The following AUTS2 variants were observed in gnomAD, a reference collection of about 807,000 sequenced individuals.
AUTS2 encodes activator of transcription and developmental regulator AUTS2.
In AUTS2, 17 loss-of-function variants were observed where a neutral mutation model predicts 112.4. The observed-to-expected ratio is 0.15, with a 90% CI of 0.10 to 0.23. AUTS2 has a LOEUF of 0.23. AUTS2 is among the 10% of genes least tolerant of loss of function. The probability of loss-of-function intolerance (pLI) is 1.00; values close to 1 mark genes in which losing one functional copy is unlikely to be tolerated. For synonymous variants in AUTS2, 751 were observed against 702.7 expected (o/e 1.07, Z -1.09); for missense variants, 1,510 against 1,701.6 (o/e 0.89, Z 1.98).
intron 6 of AUTS2, among the ~76,000 whole-genome samples, chr7:70,753,016 A>G (rs1259796257): frequency 6.6e-6 from 1 of 152,206 alleles, no homozygotes; most frequent in African/African-American, 2.4e-5. Context: ...GAATGTGGGC[A>G]TGTGCATCAG....
At chr7:69,927,679 G>T (rs1796076031) in intron 2 of AUTS2, among the ~76,000 whole-genome samples, 1 of 152,202 alleles carries the variant, frequency 6.6e-6, no homozygotes, top group Non-Finnish European at 1.5e-5. Context: ...GTGAGCGCAG[G>T]GTCTGGCCAC....
intron 6 of AUTS2, among the ~76,000 whole-genome samples, chr7:70,734,313 G>C (rs1267686953): frequency 6.6e-6 from 1 of 152,050 alleles, no homozygotes; most frequent in Non-Finnish European, 1.5e-5. Flanking sequence ...GGTGGCCGGT[G>C]CCTGTAGTCC....
intron 4 of AUTS2, among the ~76,000 whole-genome samples, chr7:70,432,974 T>C (rs1355488774): frequency 6.6e-6 from 1 of 152,156 alleles, no homozygotes; most frequent in Non-Finnish European, 1.5e-5. Flanking sequence ...CCCGGCATGT[T>C]GTGTGGGGAG....
chr7:70,545,339 C>G (rs1333817518), intron 5 of AUTS2, among the ~76,000 whole-genome samples: 1 of 152,216 alleles, frequency 6.6e-6, no homozygotes, highest in African/African-American at 2.4e-5. Flanking sequence ...ACAGAGGACC[C>G]TTTAGGGTTC....
chr7:70,274,451 T>C (rs761864883), intron 4 of AUTS2, among the ~76,000 whole-genome samples: 3 of 152,024 alleles, frequency 2.0e-5, no homozygotes, highest in Non-Finnish European at 4.4e-5. Flanking sequence ...TGCACCACCA[T>C]GCCCAGCTAA....
intron 4 of AUTS2, among the ~76,000 whole-genome samples, chr7:70,245,329 TTTAAC>T: frequency 6.6e-6 from 1 of 151,970 alleles, no homozygotes; most frequent in East Asian, 1.9e-4. Context: ...CCTAATAGTT[TTTAAC>T]TTACAATTAA....
At chr7:70,780,758 GT>G (rs1791017742) in intron 14 of AUTS2, among the ~76,000 whole-genome samples, 1 of 152,006 alleles carries the variant, frequency 6.6e-6, no homozygotes, top group Non-Finnish European at 1.5e-5. Flanking sequence ...CTCCTACTTT[GT>G]TTTTCTTTGT....
At chr7:70,378,741 G>T (rs1793232805) in intron 4 of AUTS2, among the ~76,000 whole-genome samples, 1 of 152,164 alleles carries the variant, frequency 6.6e-6, no homozygotes. Context: ...ATTTTCCATT[G>T]CATGATGTCA....
intron 4 of AUTS2, among the ~76,000 whole-genome samples, chr7:70,285,823 C>T (rs1359135158): frequency 6.6e-6 from 1 of 152,166 alleles, no homozygotes; most frequent in African/African-American, 2.4e-5. Context: ...GAGTAAGATG[C>T]TGGAATATGT....
At chr7:70,106,674 C>A (rs533658799) in intron 2 of AUTS2, among the ~76,000 whole-genome samples, 10 of 152,066 alleles carry the variant, frequency 6.6e-5, no homozygotes, top group Non-Finnish European at 4.4e-5. Context: ...GGGGTGTGAT[C>A]GTACCACTGC....
At chr7:70,461,933 G>C (rs1005437567) in intron 5 of AUTS2, among the ~76,000 whole-genome samples, 13 of 152,166 alleles carry the variant, frequency 8.5e-5, no homozygotes, top group African/African-American at 2.9e-4. Flanking sequence ...GTTGATTTGA[G>C]AAAGTGTTTT....
Position 70,790,309 on chromosome 7 carries a change from T to G in AUTS2, c.3093T>G (p.Ile1031Met). ...CCATGACGGTGGGGGTGACGGGCAT[T>G]CACCCCATGAACAGCATCAGCAGCC... ...SMPMTVGVTG[I>M]HPMNSISSLD... Residue 1031 changes from isoleucine (I) to methionine (M), a missense_variant, in exon 19 of 19, where the codon ATT (isoleucine) becomes ATG (methionine). By Grantham distance (10) the Ile-to-Met change is conservative. Around this residue, in one of 3 missense-constraint regions of AUTS2, gnomAD observed 788 missense variants for 797.6 expected, o/e 0.99. Coordinates refer to ENST00000342771, the MANE Select transcript of AUTS2 (RefSeq NM_015570.4). The surrounding 1 kb of genome is among the most constrained non-coding windows in gnomAD (Gnocchi z 7.6). 1 of 1,613,544 alleles carries G rather than the reference T, an allele frequency of 6.2e-7. No individual in the cohort carries two copies. The highest frequency in any genetic ancestry group is 8.5e-7 in the Non-Finnish European group (1 of 1,179,992).
intron 4 of AUTS2, among the ~76,000 whole-genome samples, chr7:70,320,454 T>C (rs1790201215): frequency 6.6e-6 from 1 of 152,190 alleles, no homozygotes; most frequent in Non-Finnish European, 1.5e-5. Flanking sequence ...CTGTCTTTAT[T>C]TTGGATCATG....
intron 1 of AUTS2, among the ~76,000 whole-genome samples, chr7:69,641,566 A>G: frequency 6.6e-6 from 1 of 152,210 alleles, no homozygotes; most frequent in East Asian, 1.9e-4. Flanking sequence ...AAGTTATTGG[A>G]CTGTGAAAGC....
chr7:69,902,844 G>A (rs1244557966), intron 2 of AUTS2, among the ~76,000 whole-genome samples: 1 of 152,142 alleles, frequency 6.6e-6, no homozygotes, highest in Non-Finnish European at 1.5e-5. Context: ...GTTGGATTAT[G>A]TTTTTAAGTA....
At chr7:70,055,997 T>C (rs962530836) in intron 2 of AUTS2, among the ~76,000 whole-genome samples, 9 of 152,014 alleles carry the variant, frequency 5.9e-5, no homozygotes, top group Non-Finnish European at 1.0e-4. Context: ...TTTATTGTTA[T>C]TTTTTTCAGA....
intron 17 of AUTS2, 124 bp downstream of exon 17, chr7:70,786,162 A>C: frequency 5.0e-6 from 4 of 802,298 alleles, no homozygotes; most frequent in Non-Finnish European, 7.8e-6. Context: ...AGGTTATATC[A>C]CTGCAAAAGC....
chr7:70,112,575 TA>T (rs1781166670), intron 2 of AUTS2, among the ~76,000 whole-genome samples: 2 of 152,078 alleles, frequency 1.3e-5, no homozygotes, highest in East Asian at 1.9e-4. Flanking sequence ...TTATTTAGAA[TA>T]TTTTTTACTT....
chr7:70,634,097 A>C (rs529554959), intron 5 of AUTS2, among the ~76,000 whole-genome samples: 1 of 152,194 alleles, frequency 6.6e-6, no homozygotes, highest in African/African-American at 2.4e-5. Flanking sequence ...AGTGAACAAA[A>C]CCAGCAAAAG....
Sources: allele counts gnomAD v4.1 joint callset (sites outside exome capture counted in the v4.1 genomes callset), GRCh38; gene constraint gnomAD v4.1.1; regional missense constraint gnomAD v4.1.1; non-coding constraint Gnocchi (gnomAD v3.1); transcripts MANE v1.5; gene names NCBI Gene and HGNC (gene_info 2026-07-23, HGNC 2026-07-21).